COL5A3: variants seen among roughly 807,000 people sequenced by gnomAD.
The protein encoded by COL5A3 is collagen type V alpha 3 chain.
COL5A3 carries 172 observed loss-of-function variants against 250.0 expected under a neutral mutation model. The observed-to-expected ratio is 0.69, with a 90% CI of 0.61 to 0.78. COL5A3 has a LOEUF of 0.78. COL5A3 is among the 30% of genes least tolerant of loss of function. The probability of loss-of-function intolerance (pLI) is 0.00; values close to 1 mark genes in which losing one functional copy is unlikely to be tolerated. For synonymous variants in COL5A3, 937 were observed against 900.4 expected (o/e 1.04, Z -0.73); for missense variants, 2,340 against 2,334.4 (o/e 1.00, Z -0.05).
rs760115327 is a variant in COL5A3, at chr19:9,979,128, T to C, written c.2874+4A>G. 8.3e-6 allele frequency: 13 copies of C among 1,573,040 alleles called. No individual in the cohort carries two copies. The highest frequency in any genetic ancestry group is 9.4e-6 in the Non-Finnish European group (11 of 1,164,064). Reference sequence around the variant, plus strand: ...ACCAAGATCTCCAGTGGACAGTGTCTCACCTTGGCCCCCTCTCTGCCTTCC... The same window carrying C: ...ACCAAGATCTCCAGTGGACAGTGTCCCACCTTGGCCCCCTCTCTGCCTTCC... On this transcript the variant is annotated splice_donor_region_variant and intron_variant, in intron 39 of 66. Coordinates refer to ENST00000264828, the MANE Select transcript of COL5A3 (RefSeq NM_015719.4).
intron 51 of COL5A3, among the ~76,000 whole-genome samples, chr19:9,971,663 C>A (rs755147417): frequency 6.6e-6 from 1 of 152,112 alleles, no homozygotes. Flanking sequence ...GATGCTAAAG[C>A]CCCTTCCTGA....
intron 64 of COL5A3, among the ~76,000 whole-genome samples, chr19:9,965,137 C>CT (rs912873558): frequency 1.4e-5 from 2 of 146,688 alleles, no homozygotes; most frequent in African/African-American, 5.0e-5. Flanking sequence ...TAGATACTTT[C>CT]TTTTTTTCTT....
rs1224199929 is a variant in COL5A3, at chr19:9,992,866, C to T, written c.1809G>A (p.Leu603=). Residue 603 remains leucine, a synonymous_variant, in exon 21 of 67, where the codon CTG becomes CTA. Transcript: ENST00000264828. The stretch of plus-strand genomic sequence containing the variant: ...GGCCAGGAGAGCCTCTGGGGCCAAG[C>T]AGTCCTCGTGGACCCTGCAAGGGAG... ...GQAGEPGPRG[L]LGPRGSPGPT... is the part of the protein sequence containing the mutation. 2 of 1,614,158 alleles carry T rather than the reference C, an allele frequency of 1.2e-6. 1 individual carries two copies. Among genetic ancestry groups the T allele is most frequent in the South Asian group, 2.2e-5 (2 of 91,084 alleles).
chr19:9,989,849 C>A (rs2087160171), intron 24 of COL5A3, among the ~76,000 whole-genome samples: 1 of 152,068 alleles, frequency 6.6e-6, no homozygotes, highest in South Asian at 2.1e-4. Flanking sequence ...CTCACTGCAA[C>A]CTCTTCCCAG....
Position 9,960,118 on chromosome 19 carries a change from G to T in COL5A3, c.*293C>A, listed in dbSNP as rs925332380. 1.3e-4 allele frequency: 56 copies of T among 442,830 alleles called. No individual in the cohort carries two copies. The highest frequency in any genetic ancestry group is 2.2e-4 in the Non-Finnish European group (54 of 243,210). 27.4% of individuals were successfully genotyped at this position (442,830 alleles called of 1,614,324 possible). On this transcript the variant is annotated 3_prime_UTR_variant, in exon 67 of 67. Transcript: ENST00000264828. ...ATCAGCTCTGAGTTAGAAGCTCATTGCATGGGGGTTCAAGGGGTGGGGAGG... is the reference window on the plus strand; with the variant it reads ...ATCAGCTCTGAGTTAGAAGCTCATTTCATGGGGGTTCAAGGGGTGGGGAGG...
chr19:9,967,531 TCACTCACA>T (rs1054613762), intron 61 of COL5A3, 131 bp from the exon 62 acceptor site: 11 of 673,070 alleles, frequency 1.6e-5, no homozygotes, highest in African/African-American at 7.6e-5. Flanking sequence ...ACATACACAC[TCACTCACA>T]CACTCACACA....
rs147076757 is a variant in COL5A3, at chr19:10,001,568, G to A, written c.1066C>T (p.Arg356Trp). The A allele has an allele frequency of 6.6e-5, 107 of 1,614,022 alleles. No individual in the cohort carries two copies. The highest frequency in any genetic ancestry group is 1.6e-4 in the Middle Eastern group (1 of 6,062). The part of the protein sequence containing the change: ...GDDSTMGPDF[R>W]AAEYPSRTQF... ...GTCCGAGATGGATATTCTGCTGCCC[G>A]GAAGTCAGGGCCCATGGTGGAATCA... Residue 356 changes from arginine (R) to tryptophan (W), a missense_variant, in exon 8 of 67, where the codon CGG becomes TGG. By Grantham distance (101) the Arg-to-Trp change is moderately radical (BLOSUM62 -3). This residue lies in a region of COL5A3 where 1,152 missense variants were observed against 1,146.3 expected (regional missense o/e 1.00). Transcript: ENST00000264828.
In COL5A3 at chr19:10,010,474, CGGCCGCTCCTCTCA is replaced by C; in HGVS notation, c.-103_-90del. On this transcript the variant is annotated 5_prime_UTR_variant, in exon 1 of 67. Coordinates refer to ENST00000264828, the MANE Select transcript of COL5A3 (RefSeq NM_015719.4). ...TCGGGCTCGGTGCAGTCACTCGCGG[CGGCCGCTCCTCTCA>C]GGGTCCGCGGGAAACTGCCCGAGAC... The C allele has an allele frequency of 1.2e-6, 1 of 856,912 alleles. No homozygotes were observed. Among genetic ancestry groups the C allele is most frequent in the South Asian group, 3.4e-5 (1 of 29,334 alleles). The allele number at this position is 856,912 out of a possible 1,614,324, so 53.1% of individuals were successfully genotyped here.
intron 54 of COL5A3, among the ~76,000 whole-genome samples, chr19:9,970,188 G>T (rs918921834): frequency 1.2e-5 from 1 of 84,998 alleles, no homozygotes; most frequent in Non-Finnish European, 2.6e-5. Context: ...TGGGTGAGTG[G>T]GGTCTGTGGG....
rs1400061625 is a variant in COL5A3 at position 10,006,242 on chromosome 19, G to A, written c.89-11C>T. The A allele has an allele frequency of 2.2e-5, 35 of 1,584,842 alleles. No homozygotes were observed. The highest frequency in any genetic ancestry group is 3.0e-5 in the Non-Finnish European group (35 of 1,165,810). Reference sequence around the variant, plus strand: ...GGACATCCACAGGATCTGCAGCAGAGAGAAGCCGGGGGTGTCAGGCAGAGG... The same window carrying A: ...GGACATCCACAGGATCTGCAGCAGAAAGAAGCCGGGGGTGTCAGGCAGAGG... On this transcript the variant is annotated splice_polypyrimidine_tract_variant and intron_variant, in intron 1 of 66. Coordinates refer to ENST00000264828, the MANE Select transcript of COL5A3 (RefSeq NM_015719.4).
At chr19:9,995,897 G>T in intron 15 of COL5A3, 169 bp downstream of exon 15, 1 of 722,068 alleles carries the variant, frequency 1.4e-6, no homozygotes, top group Non-Finnish European at 2.2e-6. Context: ...TCCCACCTCG[G>T]CCTCCCAAAG....
Position 9,960,297 on chromosome 19 carries a change from C to A in COL5A3, c.*114G>T. 1 of 1,283,852 alleles carries A rather than the reference C, an allele frequency of 7.8e-7. No homozygotes were observed. The highest frequency in any genetic ancestry group is 1.3e-5 in the South Asian group (1 of 75,904). The allele number at this position is 1,283,852 out of a possible 1,614,324, so 79.5% of individuals were successfully genotyped here. On this transcript the variant is annotated 3_prime_UTR_variant, in exon 67 of 67. Transcript: ENST00000264828. ...TGACTGTCCGTGATGAGCGAAGTCA[C>A]ATCCCATTGGCTCCATAGTCACAGG...
rs1353949951 is a variant in COL5A3 at position 10,009,414 on chromosome 19, G to A, written c.88+884C>T. The stretch of plus-strand genomic sequence containing the variant: ...TGCGTCAGCGCTGACTCACCCATCC[G>A]GCGGCCCCCGGGACCCCTTGGGGGC... On this transcript the variant is annotated intron_variant, in intron 1 of 66. Transcript: ENST00000264828. This position sits in a 1 kb window ranked among gnomAD's most constrained non-coding sequence, Gnocchi z 4.4. Among the ~76,000 whole-genome samples, 1 of 151,942 alleles carries A rather than the reference G, an allele frequency of 6.6e-6. No homozygotes were observed. Among genetic ancestry groups the A allele is most frequent in the African/African-American group, 2.4e-5 (1 of 41,356 alleles).
chr19:9,993,823 C>A lies in COL5A3; in HGVS notation c.1588-17G>T. 6.2e-7 allele frequency: 1 copy of A among 1,613,536 alleles called. No homozygotes were observed. Among genetic ancestry groups the A allele is most frequent in the South Asian group, 1.1e-5 (1 of 91,052 alleles). ...AGGGCGGCCCTATGGAGAAAGTAAG[C>A]CCAAGAGTCAAGGATGAGCCTTCCC... On this transcript the variant is annotated splice_polypyrimidine_tract_variant and intron_variant, in intron 16 of 66. Coordinates refer to ENST00000264828, the MANE Select transcript of COL5A3 (RefSeq NM_015719.4).
chr19:9,965,530 T>C (rs1225850472), intron 64 of COL5A3, among the ~76,000 whole-genome samples: 1 of 150,312 alleles, frequency 6.7e-6, no homozygotes, highest in Non-Finnish European at 1.5e-5. Flanking sequence ...CTTGGCTCAT[T>C]GCAACCTCCG....
chr19:9,968,339 C>A lies in COL5A3; in HGVS notation c.4314+46G>T. The stretch of plus-strand genomic sequence containing the variant: ...CCCACACCCACAGTCTCTCAACCGA[C>A]CCCCTCCTTCAAATGCATTCTTCCC... On this transcript the variant is annotated intron_variant, in intron 59 of 66. Transcript: ENST00000264828. This position sits in a 1 kb window ranked among gnomAD's most constrained non-coding sequence, Gnocchi z 4.1. The A allele has an allele frequency of 7.2e-7, 1 of 1,382,118 alleles. No individual in the cohort carries two copies. Among genetic ancestry groups the A allele is most frequent in the Non-Finnish European group, 1.0e-6 (1 of 982,252 alleles). The allele number at this position is 1,382,118 out of a possible 1,614,324, so 85.6% of individuals were successfully genotyped here. A position where few individuals can be genotyped will look rare whatever the true frequency, so the allele number is the denominator to read the frequency against.
rs781168332 is a variant in COL5A3 at position 10,001,644 on chromosome 19, G to A, written c.990C>T (p.Thr330=). 106 of 1,613,800 alleles carry A rather than the reference G, an allele frequency of 6.6e-5. No homozygotes were observed. Among genetic ancestry groups the A allele is most frequent in the Non-Finnish European group, 8.6e-5 (101 of 1,179,994 alleles). The part of the protein sequence containing the change: ...LERSLDPDSG[T]ELGTLETKAA... ...CCTTGGTCTCCAGGGTCCCCAGCTC[G>A]GTTCCACTGTCAGGGTCCAAGCTCC... Residue 330 remains threonine (T), a synonymous_variant, in exon 8 of 67, where the codon ACC becomes ACT. Transcript: ENST00000264828.
At chr19:10,007,288 A>T (rs1311310778) in intron 1 of COL5A3, among the ~76,000 whole-genome samples, 1 of 151,684 alleles carries the variant, frequency 6.6e-6, no homozygotes, top group African/African-American at 2.4e-5. Context: ...GCCTATCCTG[A>T]TCTCCTCCAT....
chr19:9,997,248 C>G, intron 11 of COL5A3, 123 bp downstream of exon 11: 1 of 756,004 alleles, frequency 1.3e-6, no homozygotes, highest in Non-Finnish European at 2.4e-6. Context: ...CAGAAGAGGT[C>G]AGTGCCAGCC....
Sources: allele counts gnomAD v4.1 joint callset (sites outside exome capture counted in the v4.1 genomes callset), GRCh38; gene constraint gnomAD v4.1.1; regional missense constraint gnomAD v4.1.1; non-coding constraint Gnocchi (gnomAD v3.1); transcripts MANE v1.5; gene names NCBI Gene and HGNC (gene_info 2026-07-23, HGNC 2026-07-21).